TXNRD1: variants seen among roughly 807,000 people sequenced by gnomAD.
TXNRD1 encodes thioredoxin reductase 1, also known as thioredoxin reductase 1, cytoplasmic.
A neutral mutation model predicts 80.3 loss-of-function variants in TXNRD1; 57 were observed. The ratio of observed to expected loss-of-function variants is 0.71; its 90% CI spans 0.57 to 0.89. TXNRD1 has a LOEUF of 0.89. TXNRD1 is among the 40% of genes least tolerant of loss of function. The pLI, the probability that TXNRD1 is intolerant of heterozygous loss-of-function variation, is 0.00. For missense variants in TXNRD1, 730 were observed against 803.0 expected, an observed-to-expected ratio of 0.91 and a Z score of 1.10; for synonymous variants, 291 against 285.2, an observed-to-expected ratio of 1.02 and a Z score of -0.20.
intron 6 of TXNRD1, among the ~76,000 whole-genome samples, chr12:104,313,815 C>G (rs1203308299): frequency 6.6e-6 from 1 of 152,100 alleles, no homozygotes; most frequent in African/African-American, 2.4e-5. Flanking sequence ...CCTTGTGAAG[C>G]TTATATTCTA....
At chr12:104,299,389 T>A (rs1335574837) in intron 4 of TXNRD1, among the ~76,000 whole-genome samples, 1 of 151,712 alleles carries the variant, frequency 6.6e-6, no homozygotes, top group South Asian at 2.1e-4. Flanking sequence ...AATACAGATA[T>A]CTGTCTTATC....
rs1466213685 is a variant in TXNRD1, at chr12:104,334,760, T to G, written c.1746+428T>G. Among the ~76,000 whole-genome samples, 5 of 152,202 alleles carry G rather than the reference T, an allele frequency of 3.3e-5. No individual in the cohort carries two copies. The East Asian group carries it at 9.6e-4, about 29-fold the overall frequency. On this transcript the variant is annotated intron_variant, in intron 15 of 16. Coordinates refer to ENST00000525566, the MANE Select transcript of TXNRD1 (RefSeq NM_001093771.3). ...TGCCAGTTGTCTCAGCTGATAGATA[T>G]CAGCAGCTGGCAAGGACCTTGGCTG...
At chr12:104,340,599 A>G (rs2135888152) in intron 16 of TXNRD1, among the ~76,000 whole-genome samples, 2 of 152,290 alleles carry the variant, frequency 1.3e-5, no homozygotes, top group South Asian at 4.1e-4. Flanking sequence ...CTTGGCTTGC[A>G]GATGTATCAC....
intron 4 of TXNRD1, among the ~76,000 whole-genome samples, chr12:104,294,583 T>C (rs1422162570): frequency 6.6e-6 from 1 of 152,210 alleles, no homozygotes. Flanking sequence ...CTAAGATCTA[T>C]ATCTGGTATA....
At position 104,348,353 on chromosome 12, in the gene TXNRD1, G is replaced by C. The variant is rs760629905; in HGVS notation, c.1882G>C (p.Val628Leu). The C allele has an allele frequency of 6.2e-7, 1 of 1,613,946 alleles. No individual in the cohort carries two copies. The highest frequency in any genetic ancestry group is 8.5e-7 in the Non-Finnish European group (1 of 1,179,838). ...TGTTGTGCTTTCTCTTCCCCTGCAG[G>C]TATTCACAACATTGTCTGTGACCAA... ...TIGIHPVCAE[V>L]FTTLSVTKRS... is the part of the protein sequence containing the mutation. The change falls in exon 17 of 17, where the codon GTA becomes CTA. Residue 628 changes from valine (V) to leucine (L), a missense_variant and splice_region_variant. By Grantham distance (32) the Val-to-Leu change is conservative (BLOSUM62 1). Coordinates refer to ENST00000525566, the MANE Select transcript of TXNRD1 (RefSeq NM_001093771.3).
intron 4 of TXNRD1, among the ~76,000 whole-genome samples, chr12:104,294,187 C>CAAGAGGTGGAGGAGCAGAGTCTT (rs2034339453): frequency 7.4e-6 from 1 of 134,850 alleles, no homozygotes; most frequent in Non-Finnish European, 1.5e-5. Context: ...AGGCCCTCCA[C>CAAGAGGTGGAGGAGCAGAGTCTT]AAGAGGTGGA....
At chr12:104,337,673 A>T (rs956611205) in intron 15 of TXNRD1, among the ~76,000 whole-genome samples, 1 of 151,990 alleles carries the variant, frequency 6.6e-6, no homozygotes, top group Non-Finnish European at 1.5e-5. Context: ...CCTAGACAAC[A>T]TGGCAAAACC....
At chr12:104,267,699 T>TTCTTTCTTTC (rs1555209251) in intron 3 of TXNRD1, among the ~76,000 whole-genome samples, 1,504 of 46,250 alleles carry the variant, frequency 0.033, 19 homozygotes, top group Non-Finnish European at 0.047. Flanking sequence ...CTTTCTTTCT[T>TTCTTTCTTTC]TCTCTCTTTC....
At chr12:104,271,249 G>A (rs1230464135) in intron 3 of TXNRD1, among the ~76,000 whole-genome samples, 3 of 148,612 alleles carry the variant, frequency 2.0e-5, no homozygotes, top group Non-Finnish European at 3.0e-5. Flanking sequence ...GCAGTGGTGC[G>A]ATCTGGGCTC....
chr12:104,230,761 G>C (rs7975524), intron 1 of TXNRD1, among the ~76,000 whole-genome samples: 100,021 of 152,004 alleles, frequency 0.66, 33,430 homozygotes, highest in Non-Finnish European at 0.72. Flanking sequence ...AACCCTGTGT[G>C]GGGCAGAAAA....
chr12:104,287,004 C>G (rs11111979), intron 3 of TXNRD1: 693,784 of 1,323,096 alleles, frequency 0.52, 184,757 homozygotes, highest in East Asian at 0.61. Flanking sequence ...CATTAGGAAA[C>G]AGCAACCCTT....
At chr12:104,312,173 C>T (rs1438812754) in intron 5 of TXNRD1, among the ~76,000 whole-genome samples, 3 of 152,080 alleles carry the variant, frequency 2.0e-5, no homozygotes, top group African/African-American at 7.2e-5. Flanking sequence ...AGATGGGGAG[C>T]AATTGGGTTT....
chr12:104,232,158 C>T (rs964138476), intron 1 of TXNRD1, among the ~76,000 whole-genome samples: 1 of 152,148 alleles, frequency 6.6e-6, no homozygotes, highest in Non-Finnish European at 1.5e-5. Context: ...TCAGATAAGA[C>T]CTTTAAAGCC....
chr12:104,253,199 A>G (rs1468370044), intron 2 of TXNRD1, among the ~76,000 whole-genome samples: 1 of 152,020 alleles, frequency 6.6e-6, no homozygotes, highest in South Asian at 2.1e-4. Flanking sequence ...GCACACGTGC[A>G]CTTTTTTCCC....
At chr12:104,335,918 T>G (rs932369798) in intron 15 of TXNRD1, among the ~76,000 whole-genome samples, 6 of 152,234 alleles carry the variant, frequency 3.9e-5, no homozygotes, top group Non-Finnish European at 7.3e-5. Flanking sequence ...TCTTGAATCC[T>G]CTGCAAAAAA....
chr12:104,296,819 G>C (rs1190922395), intron 4 of TXNRD1, among the ~76,000 whole-genome samples: 1 of 152,178 alleles, frequency 6.6e-6, no homozygotes, highest in Non-Finnish European at 1.5e-5. Flanking sequence ...AAGCAGTTCA[G>C]AATTAAAAGC....
At chr12:104,334,578 G>A (rs1565911749) in intron 15 of TXNRD1, among the ~76,000 whole-genome samples, 1 of 152,082 alleles carries the variant, frequency 6.6e-6, no homozygotes, top group Non-Finnish European at 1.5e-5. Flanking sequence ...CACCATGTTG[G>A]CCAGGCTGGT....
rs2036241975 is a variant in TXNRD1 at position 104,339,184 on chromosome 12, G to A, written c.1792G>A (p.Val598Ile). 6.2e-7 allele frequency: 1 copy of A among 1,614,016 alleles called. No homozygotes were observed. ...FHVLGPNAGE[V>I]TQGFAAALKC... is the part of the protein sequence containing the mutation. The stretch of plus-strand genomic sequence containing the variant: ...CGTACTGGGTCCAAATGCTGGAGAA[G>A]TTACACAAGGCTTTGCAGCTGCGCT... The change falls in exon 16 of 17, where the codon GTT (valine) becomes ATT (isoleucine). Residue 598 changes from valine to isoleucine, a missense_variant. Transcript: ENST00000525566.
intron 3 of TXNRD1, chr12:104,286,126 G>C (rs541645692): frequency 5.9e-5 from 9 of 152,344 alleles, no homozygotes; most frequent in African/African-American, 2.2e-4. Flanking sequence ...AACGCTCTCA[G>C]CTGAGAGTGC....
Sources: gnomAD v4.1 joint callset for allele counts (sites outside exome capture counted in the v4.1 genomes callset) on GRCh38, gnomAD v4.1.1 for gene constraint, MANE v1.5 for transcripts, NCBI Gene and HGNC (gene_info 2026-07-23, HGNC 2026-07-21) for gene names.